Variants in ADGRL3 observed in about 807,000 individuals in gnomAD.
ADGRL3 encodes the protein calcium-independent alpha-latrotoxin receptor 3.
Under a neutral mutation model 153.5 loss-of-function variants are expected in ADGRL3, and 62 were observed. The observed-to-expected ratio is 0.40, with a 90% CI of 0.33 to 0.50. The LOEUF is 0.50. Ranked by LOEUF, ADGRL3 falls within the 20% of genes least tolerant of loss-of-function variation. The probability of loss-of-function intolerance (pLI) is 0.47; values close to 1 mark genes in which losing one functional copy is unlikely to be tolerated. For missense variants in ADGRL3, 1,641 were observed against 1,859.4 expected (o/e 0.88, Z 2.16); for synonymous variants, 710 against 672.5 (o/e 1.06, Z -0.86).
At chr4:61,373,496 G>T (rs57106016) in intron 1 of ADGRL3, among the ~76,000 whole-genome samples, 1 of 151,940 alleles carries the variant, frequency 6.6e-6, no homozygotes. Flanking sequence ...ATGTTAAAAT[G>T]TTAAAATTTT....
chr4:61,716,966 G>A (rs2096127980), intron 6 of ADGRL3, among the ~76,000 whole-genome samples: 1 of 151,958 alleles, frequency 6.6e-6, no homozygotes, highest in Admixed American at 6.6e-5. Flanking sequence ...AATTAATAAG[G>A]CACAGAAGAG....
intron 6 of ADGRL3, among the ~76,000 whole-genome samples, chr4:61,727,790 C>A (rs867194088): frequency 4.6e-5 from 7 of 152,098 alleles, no homozygotes; most frequent in Non-Finnish European, 7.4e-5. Context: ...TAATGCATTG[C>A]AATATGATTT....
At chr4:61,509,686 A>T (rs2152864408) in intron 3 of ADGRL3, among the ~76,000 whole-genome samples, 1 of 152,148 alleles carries the variant, frequency 6.6e-6, no homozygotes, top group African/African-American at 2.4e-5. Flanking sequence ...ACTTGGGTTG[A>T]TTCCATGTCT....
Position 62,070,200 on chromosome 4 carries a change from C to T in ADGRL3, c.3924C>T (p.Gly1308=), listed in dbSNP as rs754794087. ...NHGNSYSIAS[G]EYLSNCVQII... ...GCAATAGTTACAGCATTGCCAGCGG[C>T]GAATACCTGAGCAACTGTGTGCAAA... The change falls in exon 27 of 27, where the codon GGC becomes GGT. Residue 1308 remains glycine (G), a synonymous_variant. Transcript: ENST00000683033. 19 of 1,613,756 alleles carry T rather than the reference C, an allele frequency of 1.2e-5. No individual in the cohort carries two copies. The highest frequency in any genetic ancestry group is 1.6e-4 in the Middle Eastern group (1 of 6,082).
chr4:61,898,303 A>T (rs2149678772), intron 11 of ADGRL3, among the ~76,000 whole-genome samples: 1 of 152,252 alleles, frequency 6.6e-6, no homozygotes, highest in East Asian at 1.9e-4. Flanking sequence ...CCATTGAATC[A>T]GCATTGTTGT....
At chr4:62,019,734 A>AT (rs1434052290) in intron 21 of ADGRL3, among the ~76,000 whole-genome samples, 1 of 152,088 alleles carries the variant, frequency 6.6e-6, no homozygotes, top group South Asian at 2.1e-4. Context: ...GTGCAGTGTA[A>AT]TTTTTTTCAA....
intron 8 of ADGRL3, among the ~76,000 whole-genome samples, chr4:61,767,312 T>G (rs1017678906): frequency 6.6e-6 from 1 of 150,750 alleles, no homozygotes; most frequent in African/African-American, 2.5e-5. Context: ...TAAAAAGGAG[T>G]GCTTAAAAGA....
At chr4:61,404,962 A>G (rs1188784289) in intron 2 of ADGRL3, among the ~76,000 whole-genome samples, 3 of 152,064 alleles carry the variant, frequency 2.0e-5, no homozygotes, top group Non-Finnish European at 2.9e-5. Flanking sequence ...TGGGATACAT[A>G]TAAACAGGTG....
At chr4:61,382,087 G>A (rs1470300810) in intron 1 of ADGRL3, among the ~76,000 whole-genome samples, 1 of 151,758 alleles carries the variant, frequency 6.6e-6, no homozygotes, top group Non-Finnish European at 1.5e-5. Flanking sequence ...GTAAAGTAGA[G>A]CTCAACTTTA....
At chr4:61,639,901 G>T (rs552404834) in intron 5 of ADGRL3, among the ~76,000 whole-genome samples, 3 of 152,058 alleles carry the variant, frequency 2.0e-5, no homozygotes, top group African/African-American at 4.8e-5. Flanking sequence ...AAGTTACATG[G>T]ACAAACAATT....
At position 62,074,748 on chromosome 4, in the gene ADGRL3, G is replaced by C. The variant is rs1037161508; in HGVS notation, c.*3840G>C. On this transcript the variant is annotated 3_prime_UTR_variant, in exon 27 of 27. Transcript: ENST00000683033. Reference sequence around the variant, plus strand: ...TAAATTAAGATGTAGTTTATCATCTGTATTTTAAAATATCCATCATAACTA... The same window carrying C: ...TAAATTAAGATGTAGTTTATCATCTCTATTTTAAAATATCCATCATAACTA... 2 of 152,064 alleles carry C rather than the reference G, an allele frequency of 1.3e-5. No homozygotes were observed. The highest frequency in any genetic ancestry group is 4.8e-5 in the African/African-American group (2 of 41,398). 9.4% of individuals were successfully genotyped at this position (152,064 alleles called of 1,614,324 possible).
intron 4 of ADGRL3, among the ~76,000 whole-genome samples, chr4:61,559,877 T>A (rs1320020350): frequency 6.6e-6 from 1 of 152,102 alleles, no homozygotes; most frequent in Non-Finnish European, 1.5e-5. Context: ...TGAGAAGAAA[T>A]AAACTATGAT....
chr4:61,877,288 C>T (rs1156446589), intron 9 of ADGRL3, among the ~76,000 whole-genome samples: 1 of 152,142 alleles, frequency 6.6e-6, no homozygotes, highest in Admixed American at 6.6e-5. Context: ...AAAAGTCTAC[C>T]TCAATGGTTC....
At chr4:61,422,272 C>T (rs1178532608) in intron 2 of ADGRL3, among the ~76,000 whole-genome samples, 1 of 152,114 alleles carries the variant, frequency 6.6e-6, no homozygotes. Flanking sequence ...GTATCAACTT[C>T]AATGTCCCTA....
At chr4:61,344,521 A>C (rs1472026338) in intron 1 of ADGRL3, among the ~76,000 whole-genome samples, 1 of 152,206 alleles carries the variant, frequency 6.6e-6, no homozygotes, top group Admixed American at 6.5e-5. Flanking sequence ...TCCCTTGAAA[A>C]GAACTTTCAA....
chr4:61,321,539 T>C (rs1040977391), intron 1 of ADGRL3, among the ~76,000 whole-genome samples: 2 of 151,396 alleles, frequency 1.3e-5, no homozygotes, highest in African/African-American at 4.9e-5. Context: ...CTGAAGCGAT[T>C]TCATCATTGT....
intron 9 of ADGRL3, among the ~76,000 whole-genome samples, chr4:61,845,806 G>T (rs2098110614): frequency 6.6e-6 from 1 of 152,046 alleles, no homozygotes; most frequent in African/African-American, 2.4e-5. Context: ...AGAAAAATCA[G>T]AAATTAATAG....
At chr4:61,401,307 T>A (rs950169784) in intron 2 of ADGRL3, among the ~76,000 whole-genome samples, 1 of 151,896 alleles carries the variant, frequency 6.6e-6, no homozygotes, top group Non-Finnish European at 1.5e-5. Context: ...GGAGTTGAAG[T>A]CACTGATCAC....
At chr4:61,440,152 G>A (rs1469778014) in intron 2 of ADGRL3, among the ~76,000 whole-genome samples, 2 of 151,966 alleles carry the variant, frequency 1.3e-5, no homozygotes, top group Non-Finnish European at 2.9e-5. Context: ...AGGTTCAAGC[G>A]ATTCTCCCAT....
Sources: allele counts gnomAD v4.1 joint callset (sites outside exome capture counted in the v4.1 genomes callset), GRCh38; gene constraint gnomAD v4.1.1; transcripts MANE v1.5; gene names NCBI Gene and HGNC (gene_info 2026-07-23, HGNC 2026-07-21).